Variants in DPP6 observed in about 807,000 individuals in gnomAD.
DPP6 encodes the protein dipeptidyl peptidase like 6.
Under a neutral mutation model 122.6 loss-of-function variants are expected in DPP6, and 69 were observed. The observed-to-expected ratio is 0.56, with a 90% CI of 0.46 to 0.69. The LOEUF is 0.69. Ranked by LOEUF, DPP6 falls within the 30% of genes least tolerant of loss-of-function variation. DPP6 has a pLI of 0.00. For missense variants in DPP6, 928 were observed against 1,116.9 expected (o/e 0.83, Z 2.41); for synonymous variants, 418 against 433.1 (o/e 0.97, Z 0.43).
intron 1 of DPP6, among the ~76,000 whole-genome samples, chr7:153,965,121 C>T (rs1479998908): frequency 6.6e-6 from 1 of 151,406 alleles, no homozygotes; most frequent in African/African-American, 2.4e-5. Flanking sequence ...CAATACAGTG[C>T]TTTATCTGTC....
chr7:154,798,896 G>T (rs1049425230), intron 12 of DPP6, among the ~76,000 whole-genome samples: 1 of 152,196 alleles, frequency 6.6e-6, no homozygotes, highest in Non-Finnish European at 1.5e-5. Flanking sequence ...AACTTTTTAA[G>T]ACTGAACCTG....
At chr7:154,428,250 G>T (rs1818071790) in intron 1 of DPP6, among the ~76,000 whole-genome samples, 1 of 152,096 alleles carries the variant, frequency 6.6e-6, no homozygotes, top group Non-Finnish European at 1.5e-5. Flanking sequence ...TCAGAAATCA[G>T]TTAGAATAAT....
intron 1 of DPP6, among the ~76,000 whole-genome samples, chr7:154,330,548 T>C: frequency 6.6e-6 from 1 of 152,204 alleles, no homozygotes; most frequent in East Asian, 1.9e-4. Flanking sequence ...AGAGCAGATG[T>C]TCCTGTCTTT....
chr7:154,880,396 CCAGGAATTGGGAA>C (rs1805290437), intron 20 of DPP6, among the ~76,000 whole-genome samples: 2 of 152,246 alleles, frequency 1.3e-5, no homozygotes, highest in Admixed American at 1.3e-4. Flanking sequence ...GGGCCTCCTC[CCAGGAATTGGGAA>C]CAGAAGGCTG....
At chr7:154,853,907 C>T in intron 17 of DPP6, 80 bp downstream of exon 17, 2 of 1,575,168 alleles carry the variant, frequency 1.3e-6, no homozygotes, top group Non-Finnish European at 1.7e-6. Flanking sequence ...TCAGCTGGCC[C>T]ACATTCTCCT....
intron 1 of DPP6, among the ~76,000 whole-genome samples, chr7:153,940,572 C>A (rs114314047): frequency 6.6e-6 from 1 of 152,200 alleles, no homozygotes; most frequent in South Asian, 2.1e-4. Flanking sequence ...CACACAGAAA[C>A]GGGGATGGGA....
chr7:153,918,978 C>CAAAAAA (rs386411718), intron 1 of DPP6, among the ~76,000 whole-genome samples: 6 of 89,326 alleles, frequency 6.7e-5, no homozygotes, highest in African/African-American at 1.8e-4. Flanking sequence ...GACTCTGTCT[C>CAAAAAA]AAAAAAAAAA....
At chr7:154,274,690 C>T (rs1046888193) in intron 1 of DPP6, among the ~76,000 whole-genome samples, 6 of 152,106 alleles carry the variant, frequency 3.9e-5, no homozygotes, top group Non-Finnish European at 8.8e-5. Flanking sequence ...CCAAAATCTG[C>T]AAGTCTGTCT....
At chr7:154,259,559 A>G (rs1221119992) in intron 1 of DPP6, among the ~76,000 whole-genome samples, 1 of 152,144 alleles carries the variant, frequency 6.6e-6, no homozygotes, top group Non-Finnish European at 1.5e-5. Flanking sequence ...GACAGAGAGG[A>G]CAGCTGCTCA....
At position 153,947,595 on chromosome 7, in the gene DPP6, A is replaced by T. The variant is rs369713279; in HGVS notation, c.51+59861A>T. 1.3e-4 allele frequency among the ~76,000 whole-genome samples: 20 copies of T among 152,326 alleles called. No individual in the cohort carries two copies. In the East Asian group the frequency reaches 2.3e-3, roughly 18 times the overall value. The stretch of plus-strand genomic sequence containing the variant: ...GTGGAGACCTGAAGAGACAGTGAAG[A>T]CCTGAAGGGACAGTGGGGACCCGAA... On this transcript the variant is annotated intron_variant, in intron 1 of 25. Coordinates refer to the DPP6 transcript ENST00000404039.
chr7:154,539,884 C>T (rs1402850133), intron 3 of DPP6, among the ~76,000 whole-genome samples: 1 of 151,842 alleles, frequency 6.6e-6, no homozygotes, highest in Non-Finnish European at 1.5e-5. Context: ...ACAACCCTAC[C>T]TTTCAGAAAT....
chr7:153,867,452 G>T, the DPP6 span, among the ~76,000 whole-genome samples: 1 of 152,104 alleles, frequency 6.6e-6, no homozygotes, highest in South Asian at 2.1e-4. Flanking sequence ...CCCTCTGTTT[G>T]TCTGTTATTG....
the DPP6 span, among the ~76,000 whole-genome samples, chr7:153,873,082 C>T: frequency 3.9e-5 from 6 of 152,310 alleles, no homozygotes; most frequent in African/African-American, 1.2e-4. Context: ...GCTGCTTCCA[C>T]TCATGGTGAA....
chr7:153,845,962 A>G, the DPP6 span, among the ~76,000 whole-genome samples: 110 of 152,256 alleles, frequency 7.2e-4, no homozygotes, highest in African/African-American at 2.4e-3. Context: ...AAATAATTTC[A>G]TCTAATGATT....
intron 7 of DPP6, among the ~76,000 whole-genome samples, chr7:154,712,134 G>T (rs987812458): frequency 5.3e-5 from 8 of 152,056 alleles, no homozygotes; most frequent in African/African-American, 1.9e-4. Flanking sequence ...GCTAAACCTT[G>T]GGATAGTTTT....
At chr7:154,046,699 G>C (rs1170567695) in intron 1 of DPP6, among the ~76,000 whole-genome samples, 8 of 152,194 alleles carry the variant, frequency 5.3e-5, no homozygotes, top group Admixed American at 2.6e-4. Context: ...GAGATGGAAA[G>C]ATACACTGGA....
At chr7:154,720,102 G>T (rs1841718986) in intron 7 of DPP6, among the ~76,000 whole-genome samples, 3 of 152,226 alleles carry the variant, frequency 2.0e-5, no homozygotes, top group Non-Finnish European at 4.4e-5. Context: ...GAGGCTTCCT[G>T]CTGGAAGGTT....
intron 16 of DPP6, among the ~76,000 whole-genome samples, chr7:154,819,312 G>A (rs902415763): frequency 6.6e-6 from 1 of 152,186 alleles, no homozygotes; most frequent in African/African-American, 2.4e-5. Context: ...CTACTCAGGA[G>A]GCTGAGACAG....
chr7:154,000,423 A>C (rs1797638150), intron 1 of DPP6, among the ~76,000 whole-genome samples: 1 of 152,094 alleles, frequency 6.6e-6, no homozygotes, highest in Middle Eastern at 3.2e-3. Context: ...GATGTCTCCT[A>C]AGTGCCTGAT....
Sources: allele counts gnomAD v4.1 joint callset (sites outside exome capture counted in the v4.1 genomes callset), GRCh38; gene constraint gnomAD v4.1.1; transcripts MANE v1.5; gene names NCBI Gene and HGNC (gene_info 2026-07-23, HGNC 2026-07-21).